The following RELN variants were observed in gnomAD, a reference collection of about 807,000 sequenced individuals.
RELN encodes reelin.
A neutral mutation model predicts 427.6 loss-of-function variants in RELN; 108 were observed. The observed-to-expected ratio is 0.25, with a 90% CI of 0.22 to 0.30. The LOEUF is 0.30. Among genes scored for constraint, RELN ranks in the 10% least tolerant of loss-of-function variants. The pLI is 1.00. For synonymous variants in RELN, 1,524 were observed against 1,513.4 expected (o/e 1.01, Z -0.16); for missense variants, 3,715 against 4,302.8 (o/e 0.86, Z 3.82).
chr7:103,843,377 G>C (rs928140764), intron 2 of RELN, among the ~76,000 whole-genome samples: 47 of 152,040 alleles, frequency 3.1e-4, no homozygotes, highest in African/African-American at 1.1e-3. Flanking sequence ...GTAAGACTCA[G>C]TAGATTTAAG....
In RELN at chr7:103,510,883, T is replaced by G; in HGVS notation, c.8242A>C (p.Thr2748Pro). 1.9e-6 allele frequency: 3 copies of G among 1,613,658 alleles called. No individual in the cohort carries two copies. Among genetic ancestry groups the G allele is most frequent in the Non-Finnish European group, 2.5e-6 (3 of 1,179,698 alleles). ...REVYAVTHDL[T>P]PTEGWIMQFK... ...TGCATAATCCAGCCTTCAGTGGGAG[T>G]CAGGTCATGGGTCACTGCATACACC... is the stretch of plus-strand genomic sequence containing the variant. The change falls in exon 51 of 65, where the codon ACT becomes CCT. Residue 2748 changes from threonine to proline, a missense_variant. Physicochemically the swap from Thr to Pro is conservative, Grantham distance 38 (BLOSUM62 -1). Transcript: ENST00000428762.
chr7:103,562,178 A>AT (rs1230252651), intron 34 of RELN, among the ~76,000 whole-genome samples: 3 of 152,180 alleles, frequency 2.0e-5, no homozygotes, highest in Non-Finnish European at 2.9e-5. Context: ...ATATTTCACT[A>AT]TTTTTTTCAT....
intron 36 of RELN, among the ~76,000 whole-genome samples, chr7:103,559,598 C>A (rs2117173737): frequency 6.6e-6 from 1 of 152,024 alleles, no homozygotes; most frequent in African/African-American, 2.4e-5. Flanking sequence ...TTTTAAGAGA[C>A]AGAGTCTTGC....
intron 38 of RELN, 81 bp from the exon 39 acceptor site, chr7:103,553,912 G>T: frequency 1.6e-6 from 2 of 1,218,968 alleles, no homozygotes; most frequent in Non-Finnish European, 1.2e-6. Flanking sequence ...GAAAGCAAAG[G>T]ACAAAAGCAA....
At chr7:103,905,028 T>C (rs963138488) in intron 2 of RELN, among the ~76,000 whole-genome samples, 1 of 138,752 alleles carries the variant, frequency 7.2e-6, no homozygotes, top group East Asian at 2.3e-4. Flanking sequence ...TCGCCCAGGC[T>C]GAAGTGCAGT....
rs577625127 is a variant in RELN, at chr7:103,743,776, AC to A, written c.656+5649del. On this transcript the variant is annotated intron_variant, in intron 6 of 64. Transcript: ENST00000428762. ...AGATTCATAAAGCAAGTCCTGAGTGACCTACAAAGAGACTTAGACTCCCACA... is the reference window on the plus strand; with the variant it reads ...AGATTCATAAAGCAAGTCCTGAGTGACTACAAAGAGACTTAGACTCCCACA... Among the ~76,000 whole-genome samples, 21 of 152,274 alleles carry A rather than the reference AC, an allele frequency of 1.4e-4. No individual in the cohort carries two copies. The East Asian group carries it at 3.9e-3, about 28-fold the overall frequency.
At position 103,545,355 on chromosome 7, in the gene RELN, G is replaced by A. The variant is rs1301296371; in HGVS notation, c.6303-11C>T. ...CTGAAACGGACAGATCTGGAAAAGA[G>A]GACAAGTCTTTCAAAAGCTAATCAA... On this transcript the variant is annotated splice_polypyrimidine_tract_variant and intron_variant, in intron 41 of 64. Transcript: ENST00000428762. 1 of 1,590,990 alleles carries A rather than the reference G, an allele frequency of 6.3e-7. No individual in the cohort carries two copies. Among genetic ancestry groups the A allele is most frequent in the South Asian group, 1.1e-5 (1 of 90,498 alleles).
rs7788128 is a variant in RELN at position 103,520,394 on chromosome 7, G to A, written c.7669-878C>T. On this transcript the variant is annotated intron_variant, in intron 48 of 64. Transcript: ENST00000428762. The stretch of plus-strand genomic sequence containing the variant: ...GGGTTCAAGTGATTCTCTTGCCTCC[G>A]CCTCCCGAGTAGCTGGGACCACAGT... 1.3e-4 allele frequency among the ~76,000 whole-genome samples: 19 copies of A among 151,818 alleles called. No homozygotes were observed. In the East Asian group the frequency reaches 2.1e-3, roughly 17 times the overall value.
At chr7:103,654,300 G>A in intron 12 of RELN, 95 bp from the exon 13 acceptor site, 1 of 732,494 alleles carries the variant, frequency 1.4e-6, no homozygotes, top group Non-Finnish European at 2.5e-6. Flanking sequence ...AATCATTATA[G>A]TACCCAGATG....
intron 1 of RELN, among the ~76,000 whole-genome samples, chr7:103,951,968 C>T (rs140337847): frequency 2.0e-5 from 3 of 152,356 alleles, no homozygotes; most frequent in African/African-American, 4.8e-5. Context: ...CCACTGTGCC[C>T]GGCCCTCTGG....
In RELN at chr7:103,593,665, A is replaced by C; in HGVS notation, c.3912+17T>G. On this transcript the variant is annotated intron_variant, in intron 27 of 64. Coordinates refer to ENST00000428762, the MANE Select transcript of RELN (RefSeq NM_005045.4). Reference sequence around the variant, plus strand: ...TACTCCTTAACTTGCTCTGGGAAGAAGCTTGTGCATAAATACCTTGAACTG... The same window carrying C: ...TACTCCTTAACTTGCTCTGGGAAGACGCTTGTGCATAAATACCTTGAACTG... 6.2e-7 allele frequency: 1 copy of C among 1,604,672 alleles called. No homozygotes were observed. The highest frequency in any genetic ancestry group is 8.5e-7 in the Non-Finnish European group (1 of 1,171,482).
At chr7:103,536,305 ACC>A (rs1340246475) in intron 45 of RELN, among the ~76,000 whole-genome samples, 1 of 151,868 alleles carries the variant, frequency 6.6e-6, no homozygotes, top group East Asian at 1.9e-4. Flanking sequence ...TTCAACCCAT[ACC>A]CCCTGTCTTT....
At chr7:103,901,033 T>C (rs1379567678) in intron 2 of RELN, among the ~76,000 whole-genome samples, 1 of 152,006 alleles carries the variant, frequency 6.6e-6, no homozygotes, top group Non-Finnish European at 1.5e-5. Context: ...AAATTCACAC[T>C]GTCCATACTG....
chr7:103,616,595 A>G (rs2117302332), intron 20 of RELN, among the ~76,000 whole-genome samples: 1 of 152,312 alleles, frequency 6.6e-6, no homozygotes, highest in Middle Eastern at 3.4e-3. Flanking sequence ...CCTTCTAGAG[A>G]TGACCACAAA....
At chr7:103,590,046 T>C (rs1225242204) in intron 27 of RELN, among the ~76,000 whole-genome samples, 1 of 152,188 alleles carries the variant, frequency 6.6e-6, no homozygotes, top group Non-Finnish European at 1.5e-5. Context: ...ACTGGACTCA[T>C]TTTGTGGATT....
At chr7:103,966,487 T>C (rs141338427) in intron 1 of RELN, among the ~76,000 whole-genome samples, 5 of 152,342 alleles carry the variant, frequency 3.3e-5, no homozygotes, top group East Asian at 1.9e-4. Flanking sequence ...AGGTACAGAA[T>C]TGATTTTTTT....
chr7:103,495,016 A>G (rs1359493540), intron 57 of RELN, among the ~76,000 whole-genome samples: 1 of 152,124 alleles, frequency 6.6e-6, no homozygotes, highest in Non-Finnish European at 1.5e-5. Flanking sequence ...AGTGTTACAG[A>G]GTAGAGATAG....
intron 51 of RELN, among the ~76,000 whole-genome samples, chr7:103,508,135 A>G (rs774112430): frequency 1.3e-5 from 2 of 152,172 alleles, no homozygotes; most frequent in Non-Finnish European, 2.9e-5. Context: ...TTCCTTCTAA[A>G]ACTATTCCGA....
chr7:103,511,997 T>C (rs899972807), intron 50 of RELN, among the ~76,000 whole-genome samples: 10 of 152,214 alleles, frequency 6.6e-5, no homozygotes, highest in African/African-American at 2.4e-4. Context: ...TTAGTTTTTG[T>C]TGGGGGGTTG....
Sources: allele counts gnomAD v4.1 joint callset (sites outside exome capture counted in the v4.1 genomes callset), GRCh38; gene constraint gnomAD v4.1.1; transcripts MANE v1.5; gene names NCBI Gene and HGNC (gene_info 2026-07-23, HGNC 2026-07-21).